The following COMMD1 variants were observed in gnomAD, a reference collection of about 807,000 sequenced individuals.
COMMD1 encodes the protein copper metabolism domain containing 1, also known as COMM domain-containing protein 1.
COMMD1 carries 10 observed loss-of-function variants against 17.2 expected under a neutral mutation model. The observed-to-expected ratio is 0.58, with a 90% CI of 0.36 to 0.99. COMMD1 has a LOEUF of 0.99. Ranked by LOEUF, COMMD1 falls within the 50% of genes least tolerant of loss-of-function variation. COMMD1 has a pLI of 0.01. For synonymous variants in COMMD1, 97 were observed against 91.6 expected (o/e 1.06, Z -0.34); for missense variants, 270 against 231.8 (o/e 1.17, Z -1.07).
rs1365756868 is a variant in COMMD1, at chr2:61,966,956, C to G, written c.181-33745C>G. On this transcript the variant is annotated intron_variant, in intron 1 of 2. Coordinates refer to ENST00000311832, the MANE Select transcript of COMMD1 (RefSeq NM_152516.4). ...AACTTGAAGTATTTTCCTTTCTCTT[C>G]CATGAAGAGCAGTAACATTTTTTCT... is the stretch of plus-strand genomic sequence containing the variant. 3.9e-5 allele frequency among the ~76,000 whole-genome samples: 6 copies of G among 151,982 alleles called. No individual in the cohort carries two copies. In the South Asian group the frequency reaches 1.2e-3, roughly 32 times the overall value.
At chr2:61,943,310 A>G (rs1428567114) in intron 1 of COMMD1, among the ~76,000 whole-genome samples, 1 of 149,492 alleles carries the variant, frequency 6.7e-6, no homozygotes, top group African/African-American at 2.4e-5. Context: ...GAAACCAAAC[A>G]GGGTGCCTGA....
At chr2:61,953,755 A>C in intron 1 of COMMD1, among the ~76,000 whole-genome samples, 1 of 152,328 alleles carries the variant, frequency 6.6e-6, no homozygotes, top group East Asian at 1.9e-4. Flanking sequence ...CCACATATAC[A>C]TACTCTCTAT....
chr2:62,074,883 GTTTTTTTTTTTT>G (rs570489051), intron 2 of COMMD1, among the ~76,000 whole-genome samples: 2 of 110,536 alleles, frequency 1.8e-5, no homozygotes, highest in Non-Finnish European at 3.7e-5. Context: ...TGTTTGTGTG[GTTTTTTTTTTTT>G]TTTTTTTTTT....
At chr2:61,905,499 T>G, upstream of COMMD1, 1 of 603,696 alleles carries the variant, frequency 1.7e-6, no homozygotes, top group Non-Finnish European at 2.9e-6. Context: ...CGTGGAGGTA[T>G]CCTAAGGGGA....
intron 2 of COMMD1, among the ~76,000 whole-genome samples, chr2:62,066,168 ATTAT>A (rs1175526256): frequency 1.3e-5 from 2 of 152,154 alleles, no homozygotes; most frequent in Non-Finnish European, 2.9e-5. Context: ...GGATTCTTGA[ATTAT>A]TTGTCATTTC....
intron 2 of COMMD1, among the ~76,000 whole-genome samples, chr2:62,043,509 A>G (rs962992209): frequency 1.3e-5 from 2 of 152,186 alleles, no homozygotes; most frequent in African/African-American, 4.8e-5. Flanking sequence ...TGCTTATGAC[A>G]GTATTAGGCT....
chr2:62,010,696 C>A (rs1391246068), intron 2 of COMMD1, among the ~76,000 whole-genome samples: 1 of 152,088 alleles, frequency 6.6e-6, no homozygotes, highest in Non-Finnish European at 1.5e-5. Context: ...TTCTCCTACC[C>A]ACATCCATTC....
intron 1 of COMMD1, among the ~76,000 whole-genome samples, chr2:61,995,337 C>T (rs1031890217): frequency 2.0e-5 from 3 of 152,192 alleles, no homozygotes; most frequent in African/African-American, 7.2e-5. Context: ...ATAACAATGT[C>T]TAAACTTGAT....
intron 1 of COMMD1, among the ~76,000 whole-genome samples, chr2:61,922,074 GT>G (rs1670214458): frequency 6.6e-6 from 1 of 152,098 alleles, no homozygotes; most frequent in African/African-American, 2.4e-5. Context: ...AAAATGATCA[GT>G]TTTATAGCCC....
chr2:62,078,047 A>C (rs1671396054), intron 2 of COMMD1, among the ~76,000 whole-genome samples: 1 of 151,238 alleles, frequency 6.6e-6, no homozygotes, highest in Non-Finnish European at 1.5e-5. Context: ...AGGCCGAAGC[A>C]GGCGGATCAC....
intron 2 of COMMD1, among the ~76,000 whole-genome samples, chr2:62,052,459 A>G (rs1670564022): frequency 6.6e-6 from 1 of 152,110 alleles, no homozygotes; most frequent in African/African-American, 2.4e-5. Flanking sequence ...AGATTATTCC[A>G]TTGTTGCTTG....
chr2:61,914,129 G>A (rs986799559), intron 1 of COMMD1, among the ~76,000 whole-genome samples: 2 of 146,918 alleles, frequency 1.4e-5, no homozygotes, highest in African/African-American at 2.5e-5. Context: ...CGGAGATTGC[G>A]CCACTGCACT....
intron 1 of COMMD1, among the ~76,000 whole-genome samples, chr2:61,931,012 A>T (rs1432348135): frequency 1.3e-5 from 2 of 152,120 alleles, no homozygotes; most frequent in East Asian, 3.9e-4. Context: ...ATACACAGGC[A>T]GTAATTAAAG....
chr2:61,970,490 C>G (rs1479866724), intron 1 of COMMD1, among the ~76,000 whole-genome samples: 1 of 151,992 alleles, frequency 6.6e-6, no homozygotes. Context: ...CTCTAGATTA[C>G]TTATAATACG....
At chr2:61,917,154 G>A (rs1359374619) in intron 1 of COMMD1, among the ~76,000 whole-genome samples, 1 of 152,012 alleles carries the variant, frequency 6.6e-6, no homozygotes, top group African/African-American at 2.4e-5. Context: ...AGGAGTTTGA[G>A]ACCAGCCTGG....
At chr2:61,922,167 T>C (rs1670216305) in intron 1 of COMMD1, among the ~76,000 whole-genome samples, 1 of 152,244 alleles carries the variant, frequency 6.6e-6, no homozygotes, top group Non-Finnish European at 1.5e-5. Context: ...TTTTGGCATT[T>C]AACTGTGATG....
intron 2 of COMMD1, among the ~76,000 whole-genome samples, chr2:62,087,866 C>T (rs116753935): frequency 2.1e-3 from 314 of 152,302 alleles, no homozygotes; most frequent in African/African-American, 7.1e-3. Flanking sequence ...AAATTGGAGA[C>T]GCTTTGCCTT....
chr2:62,068,716 C>T (rs1001253801), intron 2 of COMMD1, among the ~76,000 whole-genome samples: 3 of 149,916 alleles, frequency 2.0e-5, no homozygotes, highest in Non-Finnish European at 4.4e-5. Context: ...CCTCCGTCTC[C>T]TGGGTTCAAG....
chr2:61,948,316 C>T (rs1446798031), intron 1 of COMMD1, among the ~76,000 whole-genome samples: 1 of 152,098 alleles, frequency 6.6e-6, no homozygotes, highest in Admixed American at 6.6e-5. Context: ...TTTCTATGTC[C>T]TGCAGGCATT....
Sources: allele counts gnomAD v4.1 joint callset (sites outside exome capture counted in the v4.1 genomes callset), GRCh38; gene constraint gnomAD v4.1.1; transcripts MANE v1.5; gene names NCBI Gene and HGNC (gene_info 2026-07-23, HGNC 2026-07-21).